SLITRK5: variants seen among roughly 807,000 people sequenced by gnomAD.
SLITRK5 encodes the protein SLIT and NTRK-like protein 5.
SLITRK5 carries 23 observed loss-of-function variants against 56.2 expected under a neutral mutation model. The ratio of observed to expected loss-of-function variants is 0.41; its 90% CI spans 0.29 to 0.58. SLITRK5 has a LOEUF of 0.58. Ranked by LOEUF, SLITRK5 falls within the 20% of genes least tolerant of loss-of-function variation. The probability of loss-of-function intolerance (pLI) is 0.30; values close to 1 mark genes in which losing one functional copy is unlikely to be tolerated. For synonymous variants in SLITRK5, 637 were observed against 531.8 expected (o/e 1.20, Z -2.72); for missense variants, 1,289 against 1,226.6 (o/e 1.05, Z -0.76).
chr13:87,672,120 G>T lies in SLITRK5; in HGVS notation c.-98G>T, dbSNP rs1877058642. ...GGGAGGGCCGGCCGGCGCGAACCCA[G>T]GCCGGAGGGTGCGAGGAGCCAGAGG... On this transcript the variant is annotated 5_prime_UTR_variant, in exon 1 of 2. In the 5' UTR this introduces an upstream ATG that the reference lacks. Coordinates refer to ENST00000683689, the MANE Select transcript of SLITRK5 (RefSeq NM_001384609.1). Among the ~76,000 whole-genome samples, 1 of 152,100 alleles carries T rather than the reference G, an allele frequency of 6.6e-6. No homozygotes were observed. The highest frequency in any genetic ancestry group is 1.5e-5 in the Non-Finnish European group (1 of 68,014).
chr13:87,675,009 T>C (rs1015696663), intron 1 of SLITRK5, among the ~76,000 whole-genome samples: 2 of 152,006 alleles, frequency 1.3e-5, no homozygotes, highest in African/African-American at 4.8e-5. Context: ...AAAATGGTGC[T>C]TCTTTTTTCT....
chr13:87,676,192 C>T lies in SLITRK5; in HGVS notation c.804C>T (p.Phe268=). ...GGGATGTAGTTTGTGAGACCCCCTT[C>T]CGCTTACACGGAAGGGACTTGGACG... ...LVGDVVCETP[F]RLHGRDLDEV... is the part of the protein sequence containing the mutation. The change falls in exon 2 of 2, where the codon TTC becomes TTT. Residue 268 remains phenylalanine, a synonymous_variant. Coordinates refer to ENST00000683689, the MANE Select transcript of SLITRK5 (RefSeq NM_001384609.1). 6.2e-7 allele frequency: 1 copy of T among 1,614,134 alleles called. No homozygotes were observed.
chr13:87,679,389 C>A lies in SLITRK5; in HGVS notation c.*1124C>A, dbSNP rs1428637783. ...GCCGATTTTCGATTGTTTAACCAAA[C>A]CCAGTTGCATTTGTACAGATCCACG... On this transcript the variant is annotated 3_prime_UTR_variant, in exon 2 of 2. Transcript: ENST00000683689. The A allele has an allele frequency of 1.8e-5, 3 of 166,908 alleles. No homozygotes were observed. The highest frequency in any genetic ancestry group is 4.4e-5 in the Non-Finnish European group (3 of 68,104). The allele number at this position is 166,908 out of a possible 1,614,324, so 10.3% of individuals were successfully genotyped here.
chr13:87,677,172 C>A lies in SLITRK5; in HGVS notation c.1784C>A (p.Pro595His). ...GTGGACGAGGTGATCTGTAAGGCGCCCAAAAAATTCGCTGAGACCGACATG... is the reference window on the plus strand; with the variant it reads ...GTGGACGAGGTGATCTGTAAGGCGCACAAAAAATTCGCTGAGACCGACATG... Reference protein sequence around the residue: ...VLVDEVICKAPKKFAETDMRS... With the variant: ...VLVDEVICKAHKKFAETDMRS... Residue 595 changes from proline (P) to histidine (H), a missense_variant, in exon 2 of 2, where the codon CCC (proline) becomes CAC (histidine). Pro to His is a moderately conservative substitution (Grantham distance 77, BLOSUM62 -2). Transcript: ENST00000683689. The surrounding 1 kb of genome is among the most constrained non-coding windows in gnomAD (Gnocchi z 4.7). The A allele has an allele frequency of 6.2e-7, 1 of 1,614,116 alleles. No homozygotes were observed. The highest frequency in any genetic ancestry group is 1.3e-5 in the African/African-American group (1 of 75,034).
At position 87,673,366 on chromosome 13, in the gene SLITRK5, G is replaced by C. The variant is rs1293583526; in HGVS notation, c.-9+1157G>C. The C allele has an allele frequency of 1.1e-5, 4 of 375,850 alleles. No homozygotes were observed. In the East Asian group the frequency reaches 2.3e-4, roughly 21 times the overall value. 23.3% of individuals were successfully genotyped at this position (375,850 alleles called of 1,614,324 possible). A position where few individuals can be genotyped will look rare whatever the true frequency, so the allele number is the denominator to read the frequency against. ...AGGAGGAGGGGGAAGGGAGTGGGTTGAGAGGAAGCTCTTCGACCCTTGCTA... is the reference window on the plus strand; with the variant it reads ...AGGAGGAGGGGGAAGGGAGTGGGTTCAGAGGAAGCTCTTCGACCCTTGCTA... On this transcript the variant is annotated intron_variant, in intron 1 of 1. Transcript: ENST00000683689.
chr13:87,675,775 G>A lies in SLITRK5; in HGVS notation c.387G>A (p.Arg129=), dbSNP rs143323827. The A allele has an allele frequency of 5.6e-6, 9 of 1,613,978 alleles. No individual in the cohort carries two copies. The African/African-American group carries it at 1.1e-4, about 19-fold the overall frequency. ...DIETGAFHGL[R]GLRRLHLNNN... is the part of the protein sequence containing the mutation. ...AGACCGGGGCTTTCCATGGGCTACG[G>A]GGTTTGAGGAGATTGCATCTAAACA... The change falls in exon 2 of 2, where the codon CGG becomes CGA. Residue 129 remains arginine (R), a synonymous_variant. Coordinates refer to ENST00000683689, the MANE Select transcript of SLITRK5 (RefSeq NM_001384609.1).
In SLITRK5 at chr13:87,677,411, A is replaced by C. The variant is rs147101174; in HGVS notation, c.2023A>C (p.Ile675Leu). ...VLILSLLLVF[I>L]MSVFVAAGLF... ...AATTCTCAGCCTCCTGCTGGTTTTC[A>C]TCATGTCCGTCTTCGTGGCCGCCGG... The change falls in exon 2 of 2, where the codon ATC (isoleucine) becomes CTC (leucine). Residue 675 changes from isoleucine to leucine, a missense_variant. Coordinates refer to ENST00000683689, the MANE Select transcript of SLITRK5 (RefSeq NM_001384609.1). The surrounding 1 kb of genome is among the most constrained non-coding windows in gnomAD (Gnocchi z 4.7). 1 of 1,613,500 alleles carries C rather than the reference A, an allele frequency of 6.2e-7. No homozygotes were observed. The highest frequency in any genetic ancestry group is 1.3e-5 in the African/African-American group (1 of 74,854).
rs1285206717 is a variant in SLITRK5 at position 87,677,135 on chromosome 13, G to A, written c.1747G>A (p.Val583Met). Residue 583 changes from valine (V) to methionine (M), a missense_variant, in exon 2 of 2, where the codon GTG (valine) becomes ATG (methionine). This residue lies in a region of SLITRK5 where 985 missense variants were observed against 906.0 expected (regional missense o/e 1.09). Coordinates refer to ENST00000683689, the MANE Select transcript of SLITRK5 (RefSeq NM_001384609.1). The surrounding 1 kb of genome is among the most constrained non-coding windows in gnomAD (Gnocchi z 4.7). Reference protein sequence around the residue: ...GMKLWVEQLKVGVLVDEVICK... With the variant: ...GMKLWVEQLKMGVLVDEVICK... ...GAAGCTGTGGGTGGAGCAGCTCAAA[G>A]TGGGCGTCCTAGTGGACGAGGTGAT... 2 of 1,614,216 alleles carry A rather than the reference G, an allele frequency of 1.2e-6. No individual in the cohort carries two copies. The highest frequency in any genetic ancestry group is 1.7e-6 in the Non-Finnish European group (2 of 1,180,034).
At chr13:87,674,605 T>A (rs1417482102) in intron 1 of SLITRK5, among the ~76,000 whole-genome samples, 2 of 151,990 alleles carry the variant, frequency 1.3e-5, no homozygotes, top group African/African-American at 4.8e-5. Flanking sequence ...CAATGAGAAG[T>A]GGTCGCAGGG....
At chr13:87,672,360 G>A (rs1179339030) in intron 1 of SLITRK5, among the ~76,000 whole-genome samples, 151 bp downstream of exon 1, 4 of 152,144 alleles carry the variant, frequency 2.6e-5, no homozygotes, top group African/African-American at 4.8e-5. Flanking sequence ...TGGCGGGGCC[G>A]GCGGGGCCAG....
rs201976972 is a variant in SLITRK5 at position 87,676,957 on chromosome 13, C to A, written c.1569C>A (p.Gly523=). ...ACCTCCTGCAGGCCATGCCCTCAGG[C>A]GTCTTCTCTGGCTTGACCCTCCTCA... ...NNNLLQAMPS[G]VFSGLTLLRL... Residue 523 remains glycine, a synonymous_variant, in exon 2 of 2, where the codon GGC becomes GGA. Transcript: ENST00000683689. The A allele has an allele frequency of 8.7e-6, 14 of 1,614,156 alleles. No individual in the cohort carries two copies. The highest frequency in any genetic ancestry group is 6.7e-5 in the Admixed American group (4 of 60,030).
chr13:87,678,232 G>T lies in SLITRK5; in HGVS notation c.2844G>T (p.Val948=). 1 of 1,613,410 alleles carries T rather than the reference G, an allele frequency of 6.2e-7. No homozygotes were observed. Among genetic ancestry groups the T allele is most frequent in the Non-Finnish European group, 8.5e-7 (1 of 1,179,734 alleles). Residue 948 remains valine, a synonymous_variant, in exon 2 of 2, where the codon GTG becomes GTT. Transcript: ENST00000683689. ...KLNVEPDYLE[V]LEKQTTFSQF Reference sequence around the variant, plus strand: ...ACGTTGAGCCGGACTACCTCGAAGTGCTGGAAAAACAGACCACGTTTAGCC... The same window carrying T: ...ACGTTGAGCCGGACTACCTCGAAGTTCTGGAAAAACAGACCACGTTTAGCC...
rs1164597530 is a variant in SLITRK5 at position 87,675,452 on chromosome 13, A to G, written c.64A>G (p.Met22Val). ...CCTTCACAGAAAAATGCATAGCTGG[A>G]TGCTGCAGACTCTAGCGTTTGCTGT... ...QDLHRKMHSW[M>V]LQTLAFAVTS... The change falls in exon 2 of 2, where the codon ATG becomes GTG. Residue 22 changes from methionine (M) to valine (V), a missense_variant. Around this residue, in one of 3 missense-constraint regions of SLITRK5, gnomAD observed 291 missense variants for 286.7 expected, o/e 1.02. Transcript: ENST00000683689. The G allele has an allele frequency of 6.2e-7, 1 of 1,614,204 alleles. No individual in the cohort carries two copies. Among genetic ancestry groups the G allele is most frequent in the African/African-American group, 1.3e-5 (1 of 75,058 alleles).
chr13:87,676,803 T>C lies in SLITRK5; in HGVS notation c.1415T>C (p.Leu472Pro), dbSNP rs1310382489. 6.2e-7 allele frequency: 1 copy of C among 1,614,152 alleles called. No homozygotes were observed. Among genetic ancestry groups the C allele is most frequent in the Non-Finnish European group, 8.5e-7 (1 of 1,180,028 alleles). The change falls in exon 2 of 2, where the codon CTG becomes CCG. Residue 472 changes from leucine to proline, a missense_variant. Leu to Pro is a moderately conservative substitution (Grantham distance 98). Around this residue, in one of 3 missense-constraint regions of SLITRK5, gnomAD observed 985 missense variants for 906.0 expected, o/e 1.09. Coordinates refer to ENST00000683689, the MANE Select transcript of SLITRK5 (RefSeq NM_001384609.1). ...CTGAATGGCAACAGGATCGAGAGGC[T>C]GAGCCCGGAGTTATTCTATGGCCTG... ...LYLNGNRIER[L>P]SPELFYGLQS...
rs760210615 is a variant in SLITRK5 at position 87,676,416 on chromosome 13, G to A, written c.1028G>A (p.Arg343His). 3 of 1,613,856 alleles carry A rather than the reference G, an allele frequency of 1.9e-6. No individual in the cohort carries two copies. Among genetic ancestry groups the A allele is most frequent in the Non-Finnish European group, 8.5e-7 (1 of 1,179,986 alleles). Residue 343 changes from arginine to histidine, a missense_variant, in exon 2 of 2, where the codon CGC becomes CAC. Arg to His is a conservative substitution (Grantham distance 29). Transcript: ENST00000683689. ...GTRQPNKPRV[R>H]PTSRQPSKDL... ...CGCCAACCCAACAAGCCCAGGGTGCGCCCCACCTCTCGGCAGCCCTCTAAG... is the reference window on the plus strand; with the variant it reads ...CGCCAACCCAACAAGCCCAGGGTGCACCCCACCTCTCGGCAGCCCTCTAAG...
Position 87,678,459 on chromosome 13 carries a change from G to A in SLITRK5, c.*194G>A, listed in dbSNP as rs1039843586. 6 of 611,722 alleles carry A rather than the reference G, an allele frequency of 9.8e-6. No individual in the cohort carries two copies. The highest frequency in any genetic ancestry group is 1.5e-5 in the Non-Finnish European group (5 of 342,274). 37.9% of individuals were successfully genotyped at this position (611,722 alleles called of 1,614,324 possible). A position where few individuals can be genotyped will look rare whatever the true frequency, so the allele number is the denominator to read the frequency against. Reference sequence around the variant, plus strand: ...TAAAATTTACACGTGGGAAACATTTGTGTAAACTGGGCACATCACTTTCTC... The same window carrying A: ...TAAAATTTACACGTGGGAAACATTTATGTAAACTGGGCACATCACTTTCTC... On this transcript the variant is annotated 3_prime_UTR_variant, in exon 2 of 2. Coordinates refer to ENST00000683689, the MANE Select transcript of SLITRK5 (RefSeq NM_001384609.1).
chr13:87,671,759 G>A lies in SLITRK5; in HGVS notation c.-459G>A, dbSNP rs879508489. Among the ~76,000 whole-genome samples, 2 of 152,124 alleles carry A rather than the reference G, an allele frequency of 1.3e-5. No homozygotes were observed. Among genetic ancestry groups the A allele is most frequent in the Admixed American group, 6.5e-5 (1 of 15,288 alleles). On this transcript the variant is annotated 5_prime_UTR_variant, in exon 1 of 2. Transcript: ENST00000683689. ...CACCGTGAGGATGAAACTGCCAAAG[G>A]GATGCAAGAGCCTCTCAAATACTAA...
intron 1 of SLITRK5, chr13:87,673,717 A>G (rs916114896): frequency 3.0e-5 from 13 of 438,968 alleles, no homozygotes; most frequent in African/African-American, 2.4e-4. Flanking sequence ...CTGGGTGGCC[A>G]CACGTGAATG....
Position 87,678,255 on chromosome 13 carries a change from G to C in SLITRK5, c.2867G>C (p.Ser956Thr). ...GTGCTGGAAAAACAGACCACGTTTA[G>C]CCAGTTCTAAAAGCAAAGAAACTCT... ...LEVLEKQTTF[S>T]QF Residue 956 changes from serine (S) to threonine (T), a missense_variant, in exon 2 of 2, where the codon AGC becomes ACC. This residue lies in a region of SLITRK5 where 985 missense variants were observed against 906.0 expected (regional missense o/e 1.09). Transcript: ENST00000683689. The C allele has an allele frequency of 6.2e-7, 1 of 1,607,080 alleles. No homozygotes were observed. Among genetic ancestry groups the C allele is most frequent in the South Asian group, 1.1e-5 (1 of 90,462 alleles).
Sources: allele counts gnomAD v4.1 joint callset (sites outside exome capture counted in the v4.1 genomes callset), GRCh38; gene constraint gnomAD v4.1.1; regional missense constraint gnomAD v4.1.1; non-coding constraint Gnocchi (gnomAD v3.1); transcripts MANE v1.5; gene names NCBI Gene and HGNC (gene_info 2026-07-23, HGNC 2026-07-21).